NLGN1: variants seen among roughly 807,000 people sequenced by gnomAD.
NLGN1 encodes neuroligin-1.
A neutral mutation model predicts 65.5 loss-of-function variants in NLGN1; 12 were observed. The ratio of observed to expected loss-of-function variants is 0.18; its 90% CI spans 0.12 to 0.30. The LOEUF (loss-of-function observed/expected upper bound fraction) is 0.30, where lower values mean the gene tolerates loss of function less well. NLGN1 is among the 10% of genes least tolerant of loss of function. NLGN1 has a pLI of 1.00. For synonymous variants in NLGN1, 350 were observed against 359.5 expected, an observed-to-expected ratio of 0.97 and a Z score of 0.30; for missense variants, 750 against 1,007.1, an observed-to-expected ratio of 0.74 and a Z score of 3.46.
At chr3:173,491,099 C>G (rs1256868912) in intron 2 of NLGN1, among the ~76,000 whole-genome samples, 25 of 151,754 alleles carry the variant, frequency 1.6e-4, no homozygotes, top group African/African-American at 5.8e-4. Flanking sequence ...TTTCTCCTGC[C>G]TGATTGCCGT....
chr3:173,791,816 A>G (rs570493284), intron 3 of NLGN1, among the ~76,000 whole-genome samples: 7 of 152,082 alleles, frequency 4.6e-5, no homozygotes, highest in Non-Finnish European at 1.0e-4. Context: ...GCTTCTGACT[A>G]GCTGTGAGTC....
chr3:173,908,247 C>T (rs1738862658), intron 4 of NLGN1, among the ~76,000 whole-genome samples: 1 of 152,058 alleles, frequency 6.6e-6, no homozygotes, highest in East Asian at 1.9e-4. Context: ...GGTTCTTAGC[C>T]CAGAATGGTG....
intron 2 of NLGN1, among the ~76,000 whole-genome samples, chr3:173,558,700 A>G (rs1210605298): frequency 2.6e-5 from 4 of 152,064 alleles, no homozygotes; most frequent in African/African-American, 7.2e-5. Context: ...TTTTAAAATC[A>G]TAGTTATAAT....
intron 4 of NLGN1, among the ~76,000 whole-genome samples, chr3:174,107,150 G>T (rs138068235): frequency 2.0e-5 from 3 of 151,992 alleles, no homozygotes; most frequent in African/African-American, 7.2e-5. Context: ...GTTTCACAAT[G>T]ATAACGTATT....
At chr3:173,679,725 G>A (rs1165991933) in intron 3 of NLGN1, among the ~76,000 whole-genome samples, 3 of 152,054 alleles carry the variant, frequency 2.0e-5, no homozygotes, top group African/African-American at 7.2e-5. Context: ...ATTCTATTTT[G>A]AACTTTGAAG....
intron 4 of NLGN1, among the ~76,000 whole-genome samples, chr3:173,933,201 A>G (rs543657885): frequency 1.3e-5 from 2 of 152,294 alleles, no homozygotes; most frequent in African/African-American, 2.4e-5. Context: ...CAAACAAACT[A>G]TTCAGAAGGG....
intron 4 of NLGN1, among the ~76,000 whole-genome samples, chr3:174,105,808 T>A (rs1337292513): frequency 6.6e-6 from 1 of 151,036 alleles, no homozygotes; most frequent in Non-Finnish European, 1.5e-5. Context: ...TGCACAAGAC[T>A]CTTAAGGACC....
intron 2 of NLGN1, among the ~76,000 whole-genome samples, chr3:173,468,802 A>G (rs962700336): frequency 6.6e-6 from 1 of 152,092 alleles, no homozygotes; most frequent in African/African-American, 2.4e-5. Flanking sequence ...GAATCAACTC[A>G]GTTTCATATT....
chr3:173,549,556 G>A (rs1490239959), intron 2 of NLGN1, among the ~76,000 whole-genome samples: 2 of 151,810 alleles, frequency 1.3e-5, no homozygotes, highest in East Asian at 3.9e-4. Context: ...AATAAAAAAA[G>A]GTACCTCTCA....
At chr3:173,637,134 C>G (rs1756720052) in intron 3 of NLGN1, among the ~76,000 whole-genome samples, 1 of 151,984 alleles carries the variant, frequency 6.6e-6, no homozygotes, top group African/African-American at 2.4e-5. Flanking sequence ...TCTTTATTCC[C>G]AAACAAAAAA....
intron 4 of NLGN1, among the ~76,000 whole-genome samples, chr3:174,097,415 T>C (rs1177602570): frequency 6.6e-6 from 1 of 152,196 alleles, no homozygotes; most frequent in Non-Finnish European, 1.5e-5. Flanking sequence ...TCACTGTGGA[T>C]TGTCAAAGGG....
At chr3:173,921,482 G>A (rs1742016823) in intron 4 of NLGN1, among the ~76,000 whole-genome samples, 1 of 151,392 alleles carries the variant, frequency 6.6e-6, no homozygotes, top group Non-Finnish European at 1.5e-5. Context: ...TTTTAATTGT[G>A]ATCAAATCTC....
At chr3:173,530,229 A>G (rs969843726) in intron 2 of NLGN1, among the ~76,000 whole-genome samples, 1 of 152,178 alleles carries the variant, frequency 6.6e-6, no homozygotes, top group African/African-American at 2.4e-5. Flanking sequence ...TGCTGGGATT[A>G]CAGGCGTGAG....
At chr3:173,611,627 T>C (rs1474194651) in intron 3 of NLGN1, among the ~76,000 whole-genome samples, 1 of 152,018 alleles carries the variant, frequency 6.6e-6, no homozygotes, top group African/African-American at 2.4e-5. Context: ...TGTGGTTATG[T>C]CTTCTAAAAG....
intron 1 of NLGN1, among the ~76,000 whole-genome samples, chr3:173,427,682 A>G (rs1716379521): frequency 6.6e-6 from 1 of 151,860 alleles, no homozygotes; most frequent in Non-Finnish European, 1.5e-5. Context: ...AAGATACTTG[A>G]TATGATTTCT....
At chr3:173,783,835 G>A (rs1030609850) in intron 3 of NLGN1, among the ~76,000 whole-genome samples, 4 of 151,994 alleles carry the variant, frequency 2.6e-5, no homozygotes, top group African/African-American at 7.2e-5. Flanking sequence ...GGCTGGTCTC[G>A]AACTCCTGAC....
chr3:173,948,204 C>T (rs1191357205), intron 4 of NLGN1, among the ~76,000 whole-genome samples: 1 of 152,106 alleles, frequency 6.6e-6, no homozygotes, highest in Non-Finnish European at 1.5e-5. Flanking sequence ...GTTAAATTCT[C>T]CAAATTTTAA....
intron 3 of NLGN1, among the ~76,000 whole-genome samples, chr3:173,708,648 C>T (rs1768435720): frequency 6.6e-6 from 1 of 152,088 alleles, no homozygotes; most frequent in South Asian, 2.1e-4. Flanking sequence ...ATCCACTGGG[C>T]CCCCTAGAAT....
At chr3:174,272,665 G>GGATAGATAGATAGATAGATA (rs779724767) in intron 4 of NLGN1, among the ~76,000 whole-genome samples, 7 of 116,544 alleles carry the variant, frequency 6.0e-5, no homozygotes, top group East Asian at 4.7e-4. Context: ...ATGGATGGAT[G>GGATAGATAGATAGATAGATA]GATAGATAGA....
Sources: gnomAD v4.1 joint callset for allele counts (sites outside exome capture counted in the v4.1 genomes callset) on GRCh38, gnomAD v4.1.1 for gene constraint, MANE v1.5 for transcripts, NCBI Gene and HGNC (gene_info 2026-07-23, HGNC 2026-07-21) for gene names.